The following CAMKMT variants were observed in gnomAD, a reference collection of about 807,000 sequenced individuals.
CAMKMT encodes calmodulin-lysine N-methyltransferase, also known as CaM KMT.
CAMKMT carries 53 observed loss-of-function variants against 48.0 expected under a neutral mutation model. That is an observed-to-expected ratio of 1.10 (90% CI 0.89 to 1.39). The LOEUF (loss-of-function observed/expected upper bound fraction) is 1.39. Among genes scored for constraint, CAMKMT ranks in the 40% most tolerant of loss-of-function variants. CAMKMT has a pLI of 0.00. For synonymous variants in CAMKMT, 165 were observed against 152.3 expected (o/e 1.08, Z -0.61); for missense variants, 428 against 402.7 (o/e 1.06, Z -0.54).
At chr2:44,396,327 T>C (rs1210966276) in intron 3 of CAMKMT, among the ~76,000 whole-genome samples, 1 of 152,164 alleles carries the variant, frequency 6.6e-6, no homozygotes, top group East Asian at 1.9e-4. Context: ...AATTACACAC[T>C]GGCAATTATT....
At chr2:44,758,375 G>A (rs965425870) in intron 9 of CAMKMT, among the ~76,000 whole-genome samples, 1 of 152,162 alleles carries the variant, frequency 6.6e-6, no homozygotes, top group Non-Finnish European at 1.5e-5. Context: ...CAGGGGTGAT[G>A]TCAGATCCCA....
chr2:44,619,205 G>A (rs1332534189), intron 3 of CAMKMT, among the ~76,000 whole-genome samples: 1 of 152,130 alleles, frequency 6.6e-6, no homozygotes, highest in East Asian at 1.9e-4. Context: ...CTTATTTGAG[G>A]TATTGAAAAC....
chr2:44,682,482 T>C (rs1676078438), intron 3 of CAMKMT, among the ~76,000 whole-genome samples: 1 of 152,198 alleles, frequency 6.6e-6, no homozygotes, highest in Non-Finnish European at 1.5e-5. Flanking sequence ...TCTTAGGTTG[T>C]CAAGAAGAAA....
chr2:44,681,196 G>A (rs534072624), intron 3 of CAMKMT, among the ~76,000 whole-genome samples: 23 of 152,120 alleles, frequency 1.5e-4, no homozygotes, highest in Non-Finnish European at 3.4e-4. Flanking sequence ...TTTTTATAAA[G>A]AGAATCAAAT....
intron 3 of CAMKMT, among the ~76,000 whole-genome samples, chr2:44,522,954 A>C (rs973663183): frequency 2.0e-5 from 3 of 151,658 alleles, no homozygotes; most frequent in African/African-American, 2.4e-5. Context: ...ACCAAATTTC[A>C]AGCTGTTACA....
At chr2:44,393,962 C>T (rs1413939446) in intron 3 of CAMKMT, among the ~76,000 whole-genome samples, 1 of 152,180 alleles carries the variant, frequency 6.6e-6, no homozygotes, top group Non-Finnish European at 1.5e-5. Flanking sequence ...CTTACTTGAT[C>T]CAAATTTGGA....
At position 44,641,804 on chromosome 2, in the gene CAMKMT, C is replaced by T. The variant is rs193048413; in HGVS notation, c.377-62479C>T. 3.4e-3 allele frequency among the ~76,000 whole-genome samples: 520 copies of T among 152,292 alleles called. 2 individuals carry two copies. Among genetic ancestry groups the T allele is most frequent in the African/African-American group, 0.012 (488 of 41,566 alleles). On this transcript the variant is annotated intron_variant, in intron 3 of 10. Transcript: ENST00000378494. ...AACTCCAAGGCTCAAGTGATCTGCC[C>T]GGCTTAGCCTCCCAAAGTGCTGGGA...
intron 2 of CAMKMT, among the ~76,000 whole-genome samples, chr2:44,375,786 G>T (rs1227677225): frequency 3.4e-5 from 5 of 148,422 alleles, no homozygotes; most frequent in Non-Finnish European, 6.0e-5. Flanking sequence ...CAGGTTCTTG[G>T]TTTTTTTTTT....
At chr2:44,629,666 T>G (rs1300507815) in intron 3 of CAMKMT, among the ~76,000 whole-genome samples, 1 of 151,908 alleles carries the variant, frequency 6.6e-6, no homozygotes, top group Non-Finnish European at 1.5e-5. Flanking sequence ...GAGAATAAAA[T>G]ACCTAGGAAT....
At chr2:44,578,685 T>C (rs948030269) in intron 3 of CAMKMT, among the ~76,000 whole-genome samples, 1 of 152,070 alleles carries the variant, frequency 6.6e-6, no homozygotes, top group African/African-American at 2.4e-5. Context: ...TAATGGGATG[T>C]GGTGTTAAGT....
intron 3 of CAMKMT, among the ~76,000 whole-genome samples, chr2:44,482,721 ACT>A (rs1366005261): frequency 6.6e-6 from 1 of 152,014 alleles, no homozygotes; most frequent in African/African-American, 2.4e-5. Flanking sequence ...CAGGCCTGAA[ACT>A]CTGTAGAATC....
At chr2:44,690,258 A>G (rs906056721) in intron 3 of CAMKMT, among the ~76,000 whole-genome samples, 2 of 152,228 alleles carry the variant, frequency 1.3e-5, no homozygotes, top group African/African-American at 4.8e-5. Context: ...TACACATATA[A>G]TGATCTCTAG....
chr2:44,526,730 C>G (rs1666130391), intron 3 of CAMKMT, among the ~76,000 whole-genome samples: 1 of 152,126 alleles, frequency 6.6e-6, no homozygotes, highest in Admixed American at 6.5e-5. Context: ...TTACAGTCTA[C>G]TGATTCAAAT....
chr2:44,642,455 C>T (rs189617910), intron 3 of CAMKMT, among the ~76,000 whole-genome samples: 85 of 152,284 alleles, frequency 5.6e-4, no homozygotes, highest in African/African-American at 1.7e-3. Context: ...CTGCTTCCTG[C>T]GGCTGAACGG....
intron 3 of CAMKMT, among the ~76,000 whole-genome samples, chr2:44,636,901 C>G (rs991441561): frequency 6.6e-6 from 1 of 152,110 alleles, no homozygotes; most frequent in East Asian, 1.9e-4. Flanking sequence ...TTCTCTTGCC[C>G]CACTTTACCT....
chr2:44,615,840 G>A (rs889059477), intron 3 of CAMKMT, among the ~76,000 whole-genome samples: 4 of 152,124 alleles, frequency 2.6e-5, no homozygotes, highest in Admixed American at 2.6e-4. Flanking sequence ...GATGAGAGAT[G>A]CCAACTGTGC....
chr2:44,461,012 C>G (rs1218748732), intron 3 of CAMKMT, among the ~76,000 whole-genome samples: 6 of 152,160 alleles, frequency 3.9e-5, no homozygotes, highest in Non-Finnish European at 5.9e-5. Flanking sequence ...GCATGAGCCA[C>G]CATGCCTGCC....
chr2:44,544,108 T>C (rs932868922), intron 3 of CAMKMT, among the ~76,000 whole-genome samples: 3 of 151,966 alleles, frequency 2.0e-5, no homozygotes, highest in African/African-American at 7.3e-5. Context: ...AATTTAGTGC[T>C]CCCCAAAAGA....
At chr2:44,411,958 G>T (rs1067392) in intron 3 of CAMKMT, among the ~76,000 whole-genome samples, 109,264 of 145,810 alleles carry the variant, frequency 0.75, 41,032 homozygotes, top group African/African-American at 0.84. Flanking sequence ...CAATTAATAT[G>T]TAACATGAAC....
Sources: gnomAD v4.1 joint callset for allele counts (sites outside exome capture counted in the v4.1 genomes callset) on GRCh38, gnomAD v4.1.1 for gene constraint, MANE v1.5 for transcripts, NCBI Gene and HGNC (gene_info 2026-07-23, HGNC 2026-07-21) for gene names.